Variants in GGNBP2 observed in about 807,000 individuals in gnomAD.
The protein encoded by GGNBP2 is gametogenetin-binding protein 2.
Under a neutral mutation model 85.9 loss-of-function variants are expected in GGNBP2, and 10 were observed. The ratio of observed to expected loss-of-function variants is 0.12; its 90% CI spans 0.07 to 0.20. GGNBP2 has a LOEUF of 0.20. GGNBP2 is among the 10% of genes least tolerant of loss of function. The pLI is 1.00. For synonymous variants in GGNBP2, 287 were observed against 285.7 expected (o/e 1.00, Z -0.05); for missense variants, 595 against 857.8 (o/e 0.69, Z 3.83).
chr17:36,545,620 C>A lies in GGNBP2; in HGVS notation c.-105C>A, dbSNP rs1306343864. 5.9e-6 allele frequency: 5 copies of A among 844,358 alleles called. No homozygotes were observed. In the South Asian group the frequency reaches 6.1e-5, roughly 10 times the overall value. The allele number at this position is 844,358 out of a possible 1,614,324, so 52.3% of individuals were successfully genotyped here. The stretch of plus-strand genomic sequence containing the variant: ...GCTCGCGGGGTTTGGCTGTTGCAGG[C>A]AGGAGCTGGGAGGAGGCGGCAGCGG... On this transcript the variant is annotated splice_region_variant and 5_prime_UTR_variant, in exon 2 of 14. Transcript: ENST00000613102.
rs912963293 is a variant in GGNBP2, at chr17:36,546,207, A to C, written c.93+390A>C. On this transcript the variant is annotated intron_variant, in intron 2 of 13. Coordinates refer to ENST00000613102, the MANE Select transcript of GGNBP2 (RefSeq NM_024835.5). Reference sequence around the variant, plus strand: ...AGGCTTAATTACCTGGTAATGTCGCAGCTGCACTGCTACCTGTGTATTTTC... The same window carrying C: ...AGGCTTAATTACCTGGTAATGTCGCCGCTGCACTGCTACCTGTGTATTTTC... 5.0e-5 allele frequency: 19 copies of C among 379,606 alleles called. No individual in the cohort carries two copies. The Admixed American group carries it at 8.4e-4, about 17-fold the overall frequency. 23.5% of individuals were successfully genotyped at this position (379,606 alleles called of 1,614,324 possible).
At chr17:36,545,263 C>G (rs2074237794) in intron 1 of GGNBP2, among the ~76,000 whole-genome samples, 166 bp downstream of exon 1, 1 of 152,228 alleles carries the variant, frequency 6.6e-6, no homozygotes, top group East Asian at 1.9e-4. Flanking sequence ...CAGAGGGCAC[C>G]CGGGCGGCGG....
chr17:36,550,135 A>G (rs1490473865), intron 2 of GGNBP2, among the ~76,000 whole-genome samples: 2 of 151,866 alleles, frequency 1.3e-5, no homozygotes, highest in Admixed American at 6.6e-5. Context: ...ACGAGGCGTC[A>G]CCATTTTGGC....
chr17:36,556,007 A>C (rs1185392495), intron 3 of GGNBP2, among the ~76,000 whole-genome samples: 1 of 152,198 alleles, frequency 6.6e-6, no homozygotes, highest in South Asian at 2.1e-4. Flanking sequence ...ACTTTTAGGA[A>C]AACTTTGAAT....
chr17:36,570,042 A>G (rs1252484327), intron 6 of GGNBP2, among the ~76,000 whole-genome samples: 4 of 152,206 alleles, frequency 2.6e-5, no homozygotes, highest in Admixed American at 2.6e-4. Context: ...TTGTAACTGT[A>G]CAAGTTAGTT....
intron 4 of GGNBP2, among the ~76,000 whole-genome samples, chr17:36,559,518 C>G (rs1768246053): frequency 6.6e-6 from 1 of 152,036 alleles, no homozygotes; most frequent in African/African-American, 2.4e-5. Context: ...GAAAAGTAAA[C>G]CCGAGGCTTT....
At chr17:36,565,724 C>T (rs1231456204) in intron 5 of GGNBP2, among the ~76,000 whole-genome samples, 2 of 152,072 alleles carry the variant, frequency 1.3e-5, no homozygotes, top group Non-Finnish European at 2.9e-5. Flanking sequence ...GGCGAAACCC[C>T]GTCTCTACTA....
chr17:36,561,973 C>T (rs905018065), intron 5 of GGNBP2, among the ~76,000 whole-genome samples: 1 of 152,008 alleles, frequency 6.6e-6, no homozygotes, highest in Non-Finnish European at 1.5e-5. Context: ...TAGTTTTCTT[C>T]TTGATTAAGT....
At position 36,579,399 on chromosome 17, in the gene GGNBP2, G is replaced by A. The variant is rs748203055; in HGVS notation, c.1000G>A (p.Ala334Thr). The part of the protein sequence containing the change: ...WQMLFYLGVD[A>T]LRKSFEMTVE... ...GATGCTTTTCTATCTTGGTGTTGAT[G>A]CTTTACGCAAGAGTTTTGAGGTAAG... The change falls in exon 8 of 14, where the codon GCT becomes ACT. Residue 334 changes from alanine (A) to threonine (T), a missense_variant. Around this residue, in one of 9 missense-constraint regions of GGNBP2, gnomAD observed 92 missense variants for 183.9 expected, o/e 0.50. Transcript: ENST00000613102. 180 of 1,614,074 alleles carry A rather than the reference G, an allele frequency of 1.1e-4. No homozygotes were observed. The highest frequency in any genetic ancestry group is 1.5e-4 in the Non-Finnish European group (176 of 1,180,034).
chr17:36,568,749 C>G (rs1400048248), intron 6 of GGNBP2, among the ~76,000 whole-genome samples: 1 of 151,780 alleles, frequency 6.6e-6, no homozygotes, highest in African/African-American at 2.4e-5. Context: ...ACTACTTTTA[C>G]AAAGGAATTT....
chr17:36,587,115 G>C lies in GGNBP2; in HGVS notation c.1760G>C (p.Ser587Thr), dbSNP rs375728531. 1.2e-5 allele frequency: 19 copies of C among 1,614,000 alleles called. No individual in the cohort carries two copies. In the African/African-American group the frequency reaches 2.1e-4, roughly 18 times the overall value. The change falls in exon 13 of 14, where the codon AGC becomes ACC. Residue 587 changes from serine to threonine, a missense_variant. Around this residue, in one of 9 missense-constraint regions of GGNBP2, gnomAD observed 120 missense variants for 126.3 expected, o/e 0.95. Coordinates refer to ENST00000613102, the MANE Select transcript of GGNBP2 (RefSeq NM_024835.5). The stretch of plus-strand genomic sequence containing the variant: ...GATACACATCCTGAAAGCTGTTGCA[G>C]CTCTGAAAAGGGTGGGCAGCCATTG... ...TKDTHPESCC[S>T]SEKGGQPLPW...
rs781393464 is a variant in GGNBP2, at chr17:36,579,317, T to C, written c.918T>C (p.Leu306=). Residue 306 remains leucine, a synonymous_variant, in exon 8 of 14, where the codon CTT becomes CTC. Coordinates refer to ENST00000613102, the MANE Select transcript of GGNBP2 (RefSeq NM_024835.5). ...EEVLTCLGIH[L]YERLHRIWQK... is the part of the protein sequence containing the mutation. ...TTCTGACCTGCTTGGGAATTCATCTTTATGAAAGACTGCATCGAATCTGGC... is the reference window on the plus strand; with the variant it reads ...TTCTGACCTGCTTGGGAATTCATCTCTATGAAAGACTGCATCGAATCTGGC... 9.9e-6 allele frequency: 16 copies of C among 1,614,174 alleles called. No individual in the cohort carries two copies. The highest frequency in any genetic ancestry group is 1.4e-5 in the Non-Finnish European group (16 of 1,180,010).
chr17:36,584,647 CTG>C (rs1352371393), intron 9 of GGNBP2, among the ~76,000 whole-genome samples: 2 of 152,218 alleles, frequency 1.3e-5, no homozygotes, highest in Non-Finnish European at 2.9e-5. Flanking sequence ...CCCACATAGA[CTG>C]TCAAAAAGAT....
At chr17:36,577,756 CTATG>C in intron 6 of GGNBP2, 2 of 578,184 alleles carry the variant, frequency 3.5e-6, no homozygotes, top group Non-Finnish European at 3.1e-6. Context: ...TTCTTTTAGG[CTATG>C]TGTTTCTCTA....
intron 8 of GGNBP2, among the ~76,000 whole-genome samples, chr17:36,580,412 T>C (rs1345680563): frequency 6.6e-6 from 1 of 151,350 alleles, no homozygotes; most frequent in Non-Finnish European, 1.5e-5. Context: ...GGTTTCACCA[T>C]GTTAGTTAGG....
At position 36,585,392 on chromosome 17, in the gene GGNBP2, T is replaced by C. The variant is rs779773281; in HGVS notation, c.1308T>C (p.Asn436=). ...TAGAAGTAATTGTTACCAATGAAAA[T>C]ACATCATGTACCTGTCCTAGCAGTG... ...TCVEVIVTNE[N]TSCTCPSSGN... Residue 436 remains asparagine (N), a synonymous_variant, in exon 10 of 14, where the codon AAT becomes AAC. Coordinates refer to ENST00000613102, the MANE Select transcript of GGNBP2 (RefSeq NM_024835.5). 6.2e-7 allele frequency: 1 copy of C among 1,612,420 alleles called. No homozygotes were observed.
intron 12 of GGNBP2, 85 bp from the exon 13 acceptor site, chr17:36,586,911 GC>G (rs2074707277): frequency 1.4e-5 from 17 of 1,230,432 alleles, no homozygotes; most frequent in Non-Finnish European, 1.8e-5. Context: ...GAGCCACCGT[GC>G]CCCGCTTTTT....
intron 6 of GGNBP2, among the ~76,000 whole-genome samples, chr17:36,569,797 A>G (rs1555606466): frequency 4.6e-5 from 7 of 152,228 alleles, no homozygotes. Flanking sequence ...TCCTCCCAAA[A>G]GATAGTTTTT....
intron 6 of GGNBP2, chr17:36,576,576 A>T (rs1388801649): frequency 2.7e-4 from 8 of 30,184 alleles, no homozygotes; most frequent in East Asian, 9.7e-4. Flanking sequence ...AAAAAAAAAA[A>T]AAAAAAAAAT....
Sources: gnomAD v4.1 joint callset for allele counts (sites outside exome capture counted in the v4.1 genomes callset) on GRCh38, gnomAD v4.1.1 for gene constraint, gnomAD v4.1.1 regional missense constraint, MANE v1.5 for transcripts, NCBI Gene and HGNC (gene_info 2026-07-23, HGNC 2026-07-21) for gene names.